SMARCE1: variants seen among roughly 807,000 people sequenced by gnomAD.
The protein encoded by SMARCE1 is SWI/SNF related BAF chromatin remodeling complex subunit E1.
Under a neutral mutation model 54.9 loss-of-function variants are expected in SMARCE1, and 13 were observed. That is an observed-to-expected ratio of 0.24 (90% CI 0.15 to 0.38). The LOEUF (loss-of-function observed/expected upper bound fraction) is 0.38, where lower values mean the gene tolerates loss of function less well. Ranked by LOEUF, SMARCE1 falls within the 10% of genes least tolerant of loss-of-function variation. The pLI, the probability that SMARCE1 is intolerant of heterozygous loss-of-function variation, is 1.00. For synonymous variants in SMARCE1, 151 were observed against 175.3 expected, an observed-to-expected ratio of 0.86 and a Z score of 1.10; for missense variants, 295 against 523.8, an observed-to-expected ratio of 0.56 and a Z score of 4.26.
At chr17:40,646,137 TG>T (rs1168791850) in intron 1 of SMARCE1, among the ~76,000 whole-genome samples, 1 of 152,220 alleles carries the variant, frequency 6.6e-6, no homozygotes, top group Non-Finnish European at 1.5e-5. Context: ...GCTGACGCCA[TG>T]TAAACATTTC....
chr17:40,634,487 TGC>T (rs2037127000), intron 7 of SMARCE1: 1 of 152,278 alleles, frequency 6.6e-6, no homozygotes, highest in Non-Finnish European at 1.5e-5. Flanking sequence ...TTGTACTTCA[TGC>T]AGATGCCACC....
At chr17:40,638,876 A>G (rs2037169798) in intron 4 of SMARCE1, among the ~76,000 whole-genome samples, 1 of 152,086 alleles carries the variant, frequency 6.6e-6, no homozygotes, top group Non-Finnish European at 1.5e-5. Context: ...CTGGGCTGGG[A>G]CCCCAATCAT....
chr17:40,632,494 TCA>T (rs2037105078), intron 7 of SMARCE1, 127 bp from the exon 8 acceptor site: 1 of 721,384 alleles, frequency 1.4e-6, no homozygotes, highest in Admixed American at 2.8e-5. Flanking sequence ...CTGCCCAGCG[TCA>T]TGGGAGCACT....
At chr17:40,637,121 T>C (rs992030264) in intron 5 of SMARCE1, 3 of 211,316 alleles carry the variant, frequency 1.4e-5, no homozygotes, top group African/African-American at 7.1e-5. Context: ...TCTTCTGTGT[T>C]TTCCCCCTTC....
intron 4 of SMARCE1, chr17:40,641,081 G>A (rs887796414): frequency 6.6e-5 from 10 of 152,144 alleles, no homozygotes; most frequent in African/African-American, 2.2e-4. Context: ...ACTGTATAGA[G>A]CTATTAAATG....
Position 40,636,705 on chromosome 17 carries a change from G to T in SMARCE1, c.238-179C>A, listed in dbSNP as rs1597746422. On this transcript the variant is annotated intron_variant, in intron 5 of 10. Coordinates refer to ENST00000348513, the MANE Select transcript of SMARCE1 (RefSeq NM_003079.5). ...AACTGGCCAATCTCAAGTTATCTTTGCCCTACTGGATTACTTTAAGATAGA... is the reference window on the plus strand; with the variant it reads ...AACTGGCCAATCTCAAGTTATCTTTTCCCTACTGGATTACTTTAAGATAGA... The T allele has an allele frequency of 6.1e-5, 33 of 539,024 alleles. No individual in the cohort carries two copies. In the East Asian group the frequency reaches 1.0e-3, roughly 17 times the overall value. The allele number at this position is 539,024 out of a possible 1,614,324, so 33.4% of individuals were successfully genotyped here. A position where few individuals can be genotyped will look rare whatever the true frequency, so the allele number is the denominator to read the frequency against.
chr17:40,631,473 G>A, intron 9 of SMARCE1, 119 bp downstream of exon 9: 1 of 608,550 alleles, frequency 1.6e-6, no homozygotes, highest in Admixed American at 2.9e-5. Context: ...TTATAATAAA[G>A]TTAGCCCTGT....
chr17:40,636,311 A>C, intron 6 of SMARCE1, 84 bp downstream of exon 6: 1 of 1,454,878 alleles, frequency 6.9e-7, no homozygotes, highest in South Asian at 1.2e-5. Context: ...GTTCTGACCA[A>C]ATCTTATGTT....
chr17:40,640,757 C>T (rs1413841748), intron 4 of SMARCE1: 2 of 152,190 alleles, frequency 1.3e-5, no homozygotes, highest in African/African-American at 4.8e-5. Flanking sequence ...TAAATGTCCA[C>T]AAAGGACCAA....
In SMARCE1 at chr17:40,632,329, C is replaced by T. The variant is rs753397709; in HGVS notation, c.580G>A (p.Ala194Thr). The T allele has an allele frequency of 1.3e-5, 21 of 1,613,844 alleles. No individual in the cohort carries two copies. Among genetic ancestry groups the T allele is most frequent in the Middle Eastern group, 1.6e-4 (1 of 6,076 alleles). ...DGFSMKHTAT[A>T]RFQRNHRLIS... ...AGGCGGTGGTTTCTCTGGAAACGGG[C>T]GGTGGCTGTATGCTTCATTGAAAAG... Residue 194 changes from alanine to threonine, a missense_variant, in exon 8 of 11, where the codon GCC (alanine) becomes ACC (threonine). By Grantham distance (58) the Ala-to-Thr change is moderately conservative (BLOSUM62 0). Coordinates refer to ENST00000348513, the MANE Select transcript of SMARCE1 (RefSeq NM_003079.5).
chr17:40,637,253 T>C, intron 5 of SMARCE1: 1 of 501,260 alleles, frequency 2.0e-6, no homozygotes, highest in Non-Finnish European at 3.6e-6. Context: ...GAAATGACTT[T>C]AATGGCTATA....
At chr17:40,632,064 C>A in intron 8 of SMARCE1, 131 bp downstream of exon 8, 1 of 728,280 alleles carries the variant, frequency 1.4e-6, no homozygotes, top group Non-Finnish European at 2.3e-6. Context: ...TTCCTTAAAC[C>A]TCTTCTCCAA....
rs1321696308 is a variant in SMARCE1 at position 40,632,178 on chromosome 17, A to G, written c.714+17T>C. ...GTATAGGCACATCTTATTGAAATGAATGTTTTATGACTTTACCTGATGAAC... is the reference window on the plus strand; with the variant it reads ...GTATAGGCACATCTTATTGAAATGAGTGTTTTATGACTTTACCTGATGAAC... On this transcript the variant is annotated intron_variant, in intron 8 of 10. Transcript: ENST00000348513. The G allele has an allele frequency of 1.9e-6, 3 of 1,595,134 alleles. No homozygotes were observed. The South Asian group carries it at 3.3e-5, about 18-fold the overall frequency.
At chr17:40,645,376 T>C (rs1211904134) in intron 3 of SMARCE1, 200 bp downstream of exon 3, 8 of 478,688 alleles carry the variant, frequency 1.7e-5, no homozygotes, top group Non-Finnish European at 2.2e-5. Context: ...TTTACAGTAC[T>C]GTTTCTTTAA....
Position 40,626,616 on chromosome 17 carries a change from A to C in SMARCE1, c.*2169T>G, listed in dbSNP as rs2143976381. On this transcript the variant is annotated 3_prime_UTR_variant, in exon 11 of 11. Coordinates refer to ENST00000348513, the MANE Select transcript of SMARCE1 (RefSeq NM_003079.5). ...GCCGGGCACAGTGGCTCACGCCTGT[A>C]ATCCCAGCACTTTGGGAGACTGAGG... The C allele has an allele frequency of 6.6e-6, 1 of 152,504 alleles. No homozygotes were observed. The highest frequency in any genetic ancestry group is 1.9e-4 in the East Asian group (1 of 5,184). The allele number at this position is 152,504 out of a possible 1,614,324, so 9.4% of individuals were successfully genotyped here. A position where few individuals can be genotyped will look rare whatever the true frequency, so the allele number is the denominator to read the frequency against.
chr17:40,631,696 G>A lies in SMARCE1; in HGVS notation c.715-3C>T, dbSNP rs2143987101. 1 of 1,545,150 alleles carries A rather than the reference G, an allele frequency of 6.5e-7. No individual in the cohort carries two copies. The highest frequency in any genetic ancestry group is 8.9e-7 in the Non-Finnish European group (1 of 1,117,778). ...AGAAGTTCAGCTTCTAGTTTTCGCT[G>A]CAAGACAGGATCAGGCTTCATAATT... is the stretch of plus-strand genomic sequence containing the variant. On this transcript the variant is annotated splice_polypyrimidine_tract_variant and splice_region_variant and intron_variant, in intron 8 of 10. Transcript: ENST00000348513.
chr17:40,638,422 G>A (rs1289994877), intron 4 of SMARCE1, among the ~76,000 whole-genome samples: 1 of 151,944 alleles, frequency 6.6e-6, no homozygotes, highest in Non-Finnish European at 1.5e-5. Context: ...GCGGAGGGAA[G>A]ACTGAAAAAT....
Position 40,646,804 on chromosome 17 carries a change from T to A in SMARCE1, c.-45-957A>T, listed in dbSNP as rs148645667. ...TGCAACCAAACATGTGGAATAGATC[T>A]GATTTTTCGCTTCTATTATTAATTT... is the stretch of plus-strand genomic sequence containing the variant. On this transcript the variant is annotated intron_variant, in intron 1 of 10. Coordinates refer to ENST00000348513, the MANE Select transcript of SMARCE1 (RefSeq NM_003079.5). Among the ~76,000 whole-genome samples the A allele has an allele frequency of 4.0e-4, 61 of 152,372 alleles. No homozygotes were observed. In the East Asian group the frequency reaches 8.7e-3, roughly 22 times the overall value.
chr17:40,632,686 G>T, intron 7 of SMARCE1: 1 of 229,334 alleles, frequency 4.4e-6, no homozygotes. Flanking sequence ...GTATGTGATG[G>T]CAGTAATTGA....
Sources: gnomAD v4.1 joint callset for allele counts (sites outside exome capture counted in the v4.1 genomes callset) on GRCh38, gnomAD v4.1.1 for gene constraint, MANE v1.5 for transcripts, NCBI Gene and HGNC (gene_info 2026-07-23, HGNC 2026-07-21) for gene names.